The following SLC9A8 variants were observed in gnomAD, a reference collection of about 807,000 sequenced individuals.
SLC9A8 encodes the protein sodium/hydrogen exchanger 8.
Under a neutral mutation model 66.6 loss-of-function variants are expected in SLC9A8, and 48 were observed. The observed-to-expected ratio is 0.72, with a 90% CI of 0.57 to 0.92. SLC9A8 has a LOEUF of 0.92. Among genes scored for constraint, SLC9A8 ranks in the 40% least tolerant of loss-of-function variants. The probability of loss-of-function intolerance (pLI) is 0.00; values close to 1 mark genes in which losing one functional copy is unlikely to be tolerated. For synonymous variants in SLC9A8, 274 were observed against 282.6 expected (o/e 0.97, Z 0.31); for missense variants, 599 against 747.3 (o/e 0.80, Z 2.31).
chr20:49,853,527 C>T (rs76024793), intron 7 of SLC9A8, among the ~76,000 whole-genome samples: 1,686 of 152,314 alleles, frequency 0.011, 32 homozygotes, highest in African/African-American at 0.036. Flanking sequence ...AATAAAAGAG[C>T]GACCAGAAGC....
rs192696077 is a variant in SLC9A8, at chr20:49,839,661, G to A, written c.348+62G>A. Reference sequence around the variant, plus strand: ...CATTGATCATTATGCTGGCTTTTTTGTAATTACTTGGCTATCAGTGGAGTT... The same window carrying A: ...CATTGATCATTATGCTGGCTTTTTTATAATTACTTGGCTATCAGTGGAGTT... On this transcript the variant is annotated intron_variant, in intron 4 of 15. Coordinates refer to ENST00000361573, the MANE Select transcript of SLC9A8 (RefSeq NM_015266.3). 124 of 1,039,008 alleles carry A rather than the reference G, an allele frequency of 1.2e-4. No individual in the cohort carries two copies. In the Middle Eastern group the frequency reaches 2.0e-3, roughly 17 times the overall value. 64.4% of individuals were successfully genotyped at this position (1,039,008 alleles called of 1,614,324 possible).
At chr20:49,883,251 C>T (rs2089698733) in intron 13 of SLC9A8, among the ~76,000 whole-genome samples, 1 of 152,128 alleles carries the variant, frequency 6.6e-6, no homozygotes, top group Admixed American at 6.5e-5. Flanking sequence ...CTGTCATTAC[C>T]ACCTAAGCAG....
At chr20:49,819,388 C>T (rs1294518359) in intron 2 of SLC9A8, among the ~76,000 whole-genome samples, 1 of 152,054 alleles carries the variant, frequency 6.6e-6, no homozygotes, top group Non-Finnish European at 1.5e-5. Context: ...GATGTATATT[C>T]GTAAGTACAT....
At chr20:49,825,800 C>T (rs146775715) in intron 3 of SLC9A8, among the ~76,000 whole-genome samples, 20 of 152,302 alleles carry the variant, frequency 1.3e-4, no homozygotes, top group Admixed American at 3.9e-4. Flanking sequence ...CCCTTTTCCC[C>T]GGCTTCGCTG....
At position 49,890,416 on chromosome 20, in the gene SLC9A8, T is replaced by C. The variant is rs1399763103; in HGVS notation, c.*2480T>C. On this transcript the variant is annotated 3_prime_UTR_variant, in exon 16 of 16. Coordinates refer to ENST00000361573, the MANE Select transcript of SLC9A8 (RefSeq NM_015266.3). The stretch of plus-strand genomic sequence containing the variant: ...CTATATCTTCCTGCGTGTGTATTTA[T>C]TTTCTTCTGGGTCTAGGCCATGGTA... 2.6e-5 allele frequency: 4 copies of C among 152,164 alleles called. No individual in the cohort carries two copies. The highest frequency in any genetic ancestry group is 9.7e-5 in the African/African-American group (4 of 41,426). 9.4% of individuals were successfully genotyped at this position (152,164 alleles called of 1,614,324 possible).
intron 10 of SLC9A8, among the ~76,000 whole-genome samples, chr20:49,870,914 G>A (rs749660825): frequency 9.9e-5 from 15 of 152,202 alleles, no homozygotes; most frequent in Non-Finnish European, 1.8e-4. Context: ...TGTTCAGGCT[G>A]GTCTCAAACT....
chr20:49,849,501 G>A (rs1021338639), intron 5 of SLC9A8, 78 bp from the exon 6 acceptor site: 22 of 1,086,246 alleles, frequency 2.0e-5, no homozygotes, highest in Middle Eastern at 2.8e-4. Flanking sequence ...TGCACGGAGG[G>A]CCAGGTGTGC....
intron 3 of SLC9A8, chr20:49,830,363 G>A (rs1337642844): frequency 1.2e-6 from 1 of 862,274 alleles, no homozygotes; most frequent in African/African-American, 1.7e-5. Flanking sequence ...GGGCCCGCCT[G>A]GGAAGAACCC....
At chr20:49,856,543 C>T (rs1568845585) in intron 8 of SLC9A8, among the ~76,000 whole-genome samples, 1 of 152,176 alleles carries the variant, frequency 6.6e-6, no homozygotes, top group African/African-American at 2.4e-5. Context: ...CATTGGGGGC[C>T]AGGCGCAGTG....
chr20:49,816,360 C>T (rs189967028), intron 2 of SLC9A8, among the ~76,000 whole-genome samples: 1 of 151,490 alleles, frequency 6.6e-6, no homozygotes, highest in East Asian at 1.9e-4. Context: ...GCGGAGGCTG[C>T]GGTGAGCCAA....
In SLC9A8 at chr20:49,868,821, A is replaced by G. The variant is rs117072726; in HGVS notation, c.958+3977A>G. On this transcript the variant is annotated intron_variant, in intron 10 of 15. Coordinates refer to ENST00000361573, the MANE Select transcript of SLC9A8 (RefSeq NM_015266.3). ...AGAGTCCTGATGGGGCATCTGTGCCACTGCTGGGGTGGCCAGAAGTCCTGG... is the reference window on the plus strand; with the variant it reads ...AGAGTCCTGATGGGGCATCTGTGCCGCTGCTGGGGTGGCCAGAAGTCCTGG... Among the ~76,000 whole-genome samples the G allele has an allele frequency of 1.5e-3, 229 of 152,316 alleles. 3 individuals carry two copies. In the East Asian group the frequency reaches 0.033, roughly 22 times the overall value.
At chr20:49,826,560 A>G (rs776961899) in intron 3 of SLC9A8, among the ~76,000 whole-genome samples, 1 of 152,202 alleles carries the variant, frequency 6.6e-6, no homozygotes, top group Non-Finnish European at 1.5e-5. Context: ...CTCCAAAAGC[A>G]CATGTCCCCT....
intron 12 of SLC9A8, among the ~76,000 whole-genome samples, chr20:49,878,961 G>A (rs2089530221): frequency 1.3e-5 from 2 of 152,116 alleles, no homozygotes; most frequent in Non-Finnish European, 2.9e-5. Context: ...AGGTTGCAGT[G>A]CAGTGAGCTG....
At chr20:49,832,231 C>T (rs994918870) in intron 3 of SLC9A8, among the ~76,000 whole-genome samples, 6 of 152,142 alleles carry the variant, frequency 3.9e-5, no homozygotes, top group African/African-American at 1.4e-4. Flanking sequence ...GCCTGACCAA[C>T]GATAAGCATT....
intron 10 of SLC9A8, among the ~76,000 whole-genome samples, chr20:49,869,367 C>T (rs1176178946): frequency 6.6e-6 from 1 of 151,968 alleles, no homozygotes; most frequent in Non-Finnish European, 1.5e-5. Context: ...TACAGGTGCC[C>T]ACCACCACGC....
chr20:49,830,708 A>G (rs1310472471), intron 3 of SLC9A8: 3 of 689,208 alleles, frequency 4.4e-6, no homozygotes, highest in Non-Finnish European at 7.9e-6. Flanking sequence ...CCTCCTTCCT[A>G]GGTGAAGTTG....
chr20:49,877,922 A>C (rs1305313459), intron 11 of SLC9A8, 59 bp from the exon 12 acceptor site: 2 of 1,167,508 alleles, frequency 1.7e-6, no homozygotes, highest in Non-Finnish European at 2.5e-6. Context: ...TTAATAGTTT[A>C]GTACCATATT....
intron 9 of SLC9A8, 33 bp from the exon 10 acceptor site, chr20:49,864,706 C>G (rs1555840964): frequency 6.6e-7 from 1 of 1,511,842 alleles, no homozygotes; most frequent in African/African-American, 1.4e-5. Flanking sequence ...TCAACTCTCC[C>G]TCGATTCTCC....
intron 3 of SLC9A8, among the ~76,000 whole-genome samples, chr20:49,831,400 ACACT>A (rs879862584): frequency 5.0e-5 from 7 of 139,938 alleles, no homozygotes; most frequent in East Asian, 2.3e-4. Flanking sequence ...AAACACACAC[ACACT>A]CTCTCTCTCT....
Sources: gnomAD v4.1 joint callset for allele counts (sites outside exome capture counted in the v4.1 genomes callset) on GRCh38, gnomAD v4.1.1 for gene constraint, MANE v1.5 for transcripts, NCBI Gene and HGNC (gene_info 2026-07-23, HGNC 2026-07-21) for gene names.